LOC400499: variants seen among roughly 807,000 people sequenced by gnomAD.
At chr16:11,489,285 C>T in the LOC400499 span, among the ~76,000 whole-genome samples, 1 of 152,182 alleles carries the variant, frequency 6.6e-6, no homozygotes, top group South Asian at 2.1e-4. Context: ...ACCACTGTGG[C>T]CTGAGATGGT....
At chr16:11,386,249 T>TG in the LOC400499 span, among the ~76,000 whole-genome samples, 97 of 152,048 alleles carry the variant, frequency 6.4e-4, no homozygotes, top group Admixed American at 2.2e-3. Context: ...AGCTGTGGCT[T>TG]GGGGGTGGGG....
At chr16:11,446,509 G>A in the LOC400499 span, 4 of 1,518,452 alleles carry the variant, frequency 2.6e-6, no homozygotes, top group Non-Finnish European at 3.5e-6. Context: ...TTGAACCAGG[G>A]CTGGCTGGGG....
At chr16:11,422,702 G>A in the LOC400499 span, among the ~76,000 whole-genome samples, 4 of 152,310 alleles carry the variant, frequency 2.6e-5, no homozygotes, top group South Asian at 2.1e-4. Context: ...GCCTGAGCCC[G>A]TGACGCTCAG....
the LOC400499 span, chr16:11,424,231 C>G: frequency 2.5e-6 from 1 of 399,222 alleles, no homozygotes; most frequent in Admixed American, 4.4e-5. Flanking sequence ...GTCACGTCCT[C>G]CAGGCCAATG....
At chr16:11,474,963 G>A in the LOC400499 span, among the ~76,000 whole-genome samples, 1 of 152,208 alleles carries the variant, frequency 6.6e-6, no homozygotes, top group African/African-American at 2.4e-5. Flanking sequence ...GCCTTCTCTT[G>A]TTCCTAAGCA....
At chr16:11,494,668 G>A in the LOC400499 span, 14 of 399,472 alleles carry the variant, frequency 3.5e-5, 1 homozygote, top group East Asian at 3.9e-4. Flanking sequence ...GCAGCTGGCC[G>A]CAGGGCCCGT....
chr16:11,520,021 T>C, the LOC400499 span, among the ~76,000 whole-genome samples: 1 of 152,058 alleles, frequency 6.6e-6, no homozygotes, highest in East Asian at 1.9e-4. Flanking sequence ...TCCACTTATA[T>C]GAGGTACCTA....
chr16:11,509,484 C>T, the LOC400499 span, among the ~76,000 whole-genome samples: 10 of 151,796 alleles, frequency 6.6e-5, no homozygotes, highest in African/African-American at 2.2e-4. Context: ...GATCTCCAAG[C>T]CATCGAGTGA....
chr16:11,507,707 G>A, the LOC400499 span, among the ~76,000 whole-genome samples: 3 of 152,174 alleles, frequency 2.0e-5, no homozygotes, highest in Non-Finnish European at 2.9e-5. Context: ...TGAGGTGGGA[G>A]GACTGTTTGT....
At chr16:11,373,925 G>C in the LOC400499 span, among the ~76,000 whole-genome samples, 3 of 152,144 alleles carry the variant, frequency 2.0e-5, no homozygotes, top group Non-Finnish European at 4.4e-5. Flanking sequence ...TGGCCGGGAA[G>C]CACCCTTCTA....
chr16:11,485,849 G>T, the LOC400499 span, among the ~76,000 whole-genome samples: 2 of 152,208 alleles, frequency 1.3e-5, no homozygotes, highest in African/African-American at 4.8e-5. Flanking sequence ...TGACTCAGAG[G>T]ATGAAAGATG....
chr16:11,495,592 C>T, the LOC400499 span, among the ~76,000 whole-genome samples: 2 of 152,188 alleles, frequency 1.3e-5, no homozygotes, highest in African/African-American at 4.8e-5. Context: ...GTTGGCCAGG[C>T]TGGTGGTGAA....
At chr16:11,392,932 C>T in the LOC400499 span, 1 of 394,554 alleles carries the variant, frequency 2.5e-6, no homozygotes, top group African/African-American at 2.1e-5. Context: ...CGGCTCACTG[C>T]AAGCTCCGCT....
At chr16:11,387,201 G>C in the LOC400499 span, 6 of 1,232,310 alleles carry the variant, frequency 4.9e-6, no homozygotes, top group Non-Finnish European at 5.1e-6. Flanking sequence ...GGCCGCAGCA[G>C]CTTCTCCTCC....
the LOC400499 span, chr16:11,443,330 CAAAA>C: frequency 0.021 from 5,404 of 258,016 alleles, 45 homozygotes; most frequent in East Asian, 0.072. Flanking sequence ...TCCTCAGTCT[CAAAA>C]AAAAAAAAAA....
chr16:11,449,779 G>A, the LOC400499 span, among the ~76,000 whole-genome samples: 16 of 152,210 alleles, frequency 1.1e-4, no homozygotes, highest in Non-Finnish European at 1.5e-5. Context: ...CCCACCAGAT[G>A]CTTGGGCCAA....
At chr16:11,435,544 G>A in the LOC400499 span, 36 of 397,962 alleles carry the variant, frequency 9.0e-5, no homozygotes, top group East Asian at 1.1e-3. Flanking sequence ...TGACTTGGGC[G>A]TGGTCTCAGG....
At chr16:11,441,430 C>A in the LOC400499 span, among the ~76,000 whole-genome samples, 2 of 152,176 alleles carry the variant, frequency 1.3e-5, no homozygotes, top group Admixed American at 6.5e-5. Flanking sequence ...TGGACAAATG[C>A]AGAATCACTA....
the LOC400499 span, among the ~76,000 whole-genome samples, chr16:11,463,626 A>G: frequency 3.9e-5 from 6 of 152,192 alleles, no homozygotes; most frequent in South Asian, 1.0e-3. Context: ...ATGTATGCAT[A>G]CAGATATGTC....
Sources: allele counts gnomAD v4.1 joint callset (sites outside exome capture counted in the v4.1 genomes callset), GRCh38; gene constraint gnomAD v4.1.1; transcripts MANE v1.5.